The following NUB1 variants were observed in gnomAD, a reference collection of about 807,000 sequenced individuals.
The protein encoded by NUB1 is NEDD8 ultimate buster 1.
NUB1 carries 41 observed loss-of-function variants against 77.1 expected under a neutral mutation model. That is an observed-to-expected ratio of 0.53 (90% CI 0.41 to 0.69). NUB1 has a LOEUF of 0.69. NUB1 is among the 30% of genes least tolerant of loss of function. NUB1 has a pLI of 0.00. For missense variants in NUB1, 643 were observed against 743.8 expected, an observed-to-expected ratio of 0.86 and a Z score of 1.58; for synonymous variants, 257 against 281.0, an observed-to-expected ratio of 0.91 and a Z score of 0.85.
At chr7:151,343,952 C>G (rs1053812199) in intron 1 of NUB1, among the ~76,000 whole-genome samples, 1 of 151,772 alleles carries the variant, frequency 6.6e-6, no homozygotes, top group Non-Finnish European at 1.5e-5. Context: ...GAGGCCGAGG[C>G]GGGCGGATCA....
chr7:151,358,534 G>A (rs769226428), intron 7 of NUB1, among the ~76,000 whole-genome samples: 4 of 152,150 alleles, frequency 2.6e-5, no homozygotes, highest in African/African-American at 9.7e-5. Flanking sequence ...TGTGAACTGG[G>A]CATGTGAGGG....
intron 5 of NUB1, among the ~76,000 whole-genome samples, chr7:151,354,739 C>G (rs919312527): frequency 6.6e-6 from 1 of 152,064 alleles, no homozygotes; most frequent in African/African-American, 2.4e-5. Context: ...AGCCCATGGT[C>G]TTTGCTTTTA....
intron 11 of NUB1, among the ~76,000 whole-genome samples, chr7:151,371,363 A>ACCCCCCCC (rs57489077): frequency 1.7e-5 from 2 of 118,772 alleles, no homozygotes; most frequent in Admixed American, 9.0e-5. Context: ...TTTTACCCCC[A>ACCCCCCCC]CCCCCCACCC....
rs1229559421 is a variant in NUB1 at position 151,351,490 on chromosome 7, T to G, written c.344+8T>G. The G allele has an allele frequency of 1.2e-6, 2 of 1,603,434 alleles. No individual in the cohort carries two copies. Among genetic ancestry groups the G allele is most frequent in the Non-Finnish European group, 1.7e-6 (2 of 1,171,500 alleles). On this transcript the variant is annotated splice_region_variant and intron_variant, in intron 4 of 14. Transcript: ENST00000568733. ...CAGAGAACTGAGGTCCAAGTAAGTA[T>G]CTGTGTGCTCTGTGTCCTAGGTGCT...
At position 151,368,738 on chromosome 7, in the gene NUB1, C is replaced by T. The variant is rs767529911; in HGVS notation, c.1099C>T (p.Arg367Cys). The T allele has an allele frequency of 1.0e-5, 16 of 1,604,784 alleles. No homozygotes were observed. The highest frequency in any genetic ancestry group is 3.4e-5 in the South Asian group (3 of 89,436). Reference protein sequence around the residue: ...VEAYEYLNKARQLFKELYIDP... With the variant: ...VEAYEYLNKACQLFKELYIDP... ...TCTTACATTTCCCTGTCTCTAGGCA[C>T]GTCAGCTCTTTAAAGAGCTATATAT... is the stretch of plus-strand genomic sequence containing the variant. Residue 367 changes from arginine (R) to cysteine (C), a missense_variant, in exon 11 of 15, where the codon CGT becomes TGT. Arg to Cys is a radical substitution (Grantham distance 180, BLOSUM62 -3). Transcript: ENST00000568733.
chr7:151,342,728 C>T (rs965760833), intron 1 of NUB1, among the ~76,000 whole-genome samples: 1 of 152,144 alleles, frequency 6.6e-6, no homozygotes, highest in Non-Finnish European at 1.5e-5. Context: ...TTCGGTGTAA[C>T]CCTGGAGCTC....
At chr7:151,343,980 G>C (rs1261745856) in intron 1 of NUB1, among the ~76,000 whole-genome samples, 1 of 151,786 alleles carries the variant, frequency 6.6e-6, no homozygotes, top group African/African-American at 2.4e-5. Context: ...AGGAGATTGA[G>C]ACCATCCTGG....
chr7:151,347,381 C>T (rs1255485192), intron 2 of NUB1, among the ~76,000 whole-genome samples: 1 of 151,788 alleles, frequency 6.6e-6, no homozygotes, highest in Non-Finnish European at 1.5e-5. Flanking sequence ...CCACTGCACT[C>T]CAGCCTGGGC....
At position 151,377,032 on chromosome 7, in the gene NUB1, G is replaced by A. The variant is rs940871489; in HGVS notation, c.1670-15G>A. The A allele has an allele frequency of 4.3e-5, 65 of 1,526,846 alleles. No individual in the cohort carries two copies. Among genetic ancestry groups the A allele is most frequent in the East Asian group, 7.2e-5 (3 of 41,878 alleles). The allele number at this position is 1,526,846 out of a possible 1,614,324, so 94.6% of individuals were successfully genotyped here. ...CCTCACATAATTCACTTACTCCTGC[G>A]GTATTTTATTGTAGGAACCTCTAGT... On this transcript the variant is annotated splice_polypyrimidine_tract_variant and intron_variant, in intron 14 of 14. Transcript: ENST00000568733.
chr7:151,350,106 A>G (rs552661728), intron 3 of NUB1, among the ~76,000 whole-genome samples: 4 of 152,340 alleles, frequency 2.6e-5, no homozygotes, highest in Non-Finnish European at 4.4e-5. Context: ...TATTTCTTCT[A>G]TGCTCTTCTC....
chr7:151,349,814 A>G (rs2150668169), intron 3 of NUB1, among the ~76,000 whole-genome samples: 1 of 152,362 alleles, frequency 6.6e-6, no homozygotes. Flanking sequence ...TTTTCTCCTC[A>G]TGTGCGGAGA....
Position 151,367,884 on chromosome 7 carries a change from ACTGTTT to A in NUB1, c.1014_1019del (p.Phe339_Leu340del), listed in dbSNP as rs758873667. On this transcript the variant is annotated inframe_deletion, in exon 10 of 15. Transcript: ENST00000568733. ...AGGGAAATTGTGGGAAAGAGAAGGT[ACTGTTT>A]CTAAGACTCTACTTACTTCAAGGGA... 1 of 1,598,366 alleles carries A rather than the reference ACTGTTT, an allele frequency of 6.3e-7. No homozygotes were observed. The highest frequency in any genetic ancestry group is 8.5e-7 in the Non-Finnish European group (1 of 1,170,994).
At chr7:151,366,280 T>C (rs1400062476) in intron 8 of NUB1, among the ~76,000 whole-genome samples, 2 of 152,174 alleles carry the variant, frequency 1.3e-5, no homozygotes, top group African/African-American at 2.4e-5. Flanking sequence ...CGTTAGAGCC[T>C]GGTGCTTTCT....
At chr7:151,343,370 T>C (rs903879966) in intron 1 of NUB1, among the ~76,000 whole-genome samples, 9 of 152,232 alleles carry the variant, frequency 5.9e-5, no homozygotes, top group Admixed American at 5.9e-4. Context: ...AAAATATTTG[T>C]TTATGAAATA....
At position 151,351,916 on chromosome 7, in the gene NUB1, A is replaced by AACACACACACACACACAC. The variant is rs1204427761; in HGVS notation, c.344+437_344+454dup. On this transcript the variant is annotated intron_variant, in intron 4 of 14. Transcript: ENST00000568733. ...TTTCAGGCTGTTGGCCCATCTGTAA[A>AACACACACACACACACAC]ACACACACACACACACACACGTTTG... 9.8e-4 allele frequency among the ~76,000 whole-genome samples: 148 copies of AACACACACACACACACAC among 151,128 alleles called. 1 individual carries two copies. Among genetic ancestry groups the AACACACACACACACACAC allele is most frequent in the African/African-American group, 3.2e-3 (133 of 41,016 alleles).
At chr7:151,352,390 G>A (rs766737107) in intron 4 of NUB1, 105 of 282,026 alleles carry the variant, frequency 3.7e-4, no homozygotes, top group Non-Finnish European at 6.5e-4. Context: ...TTGAAATCCT[G>A]GGTGTTTCTG....
At chr7:151,361,650 G>GTA (rs564310482) in intron 8 of NUB1, among the ~76,000 whole-genome samples, 19 of 152,260 alleles carry the variant, frequency 1.2e-4, no homozygotes, top group African/African-American at 4.6e-4. Context: ...AGATAATACT[G>GTA]TATACTCCCA....
chr7:151,368,761 T>A lies in NUB1; in HGVS notation c.1122T>A (p.Tyr374Ter), dbSNP rs751621170. Residue 374 changes from tyrosine to a stop codon, truncating the protein, a stop_gained, in exon 11 of 15, where the codon TAT becomes TAA. Coordinates refer to ENST00000568733, the MANE Select transcript of NUB1 (RefSeq NM_001243351.2). LOFTEE classifies it high-confidence loss of function. ...NKARQLFKEL[Y>*]IDPSKVDNLL... ...CACGTCAGCTCTTTAAAGAGCTATA[T>A]ATTGATCCATCAAAAGTGGACAATT... The A allele has an allele frequency of 6.2e-7, 1 of 1,613,888 alleles. No individual in the cohort carries two copies. Among genetic ancestry groups the A allele is most frequent in the Admixed American group, 1.7e-5 (1 of 59,990 alleles).
chr7:151,344,471 C>A (rs978376984), intron 1 of NUB1, among the ~76,000 whole-genome samples: 5 of 150,532 alleles, frequency 3.3e-5, no homozygotes, highest in African/African-American at 1.2e-4. Context: ...CCACCACGCC[C>A]GGCTAATTGT....
Sources: allele counts gnomAD v4.1 joint callset (sites outside exome capture counted in the v4.1 genomes callset), GRCh38; gene constraint gnomAD v4.1.1; transcripts MANE v1.5; gene names NCBI Gene and HGNC (gene_info 2026-07-23, HGNC 2026-07-21).